GLIS3: variants seen among roughly 807,000 people sequenced by gnomAD.
The protein encoded by GLIS3 is GLIS family zinc finger 3, also known as zinc finger protein GLIS3.
Under a neutral mutation model 78.6 loss-of-function variants are expected in GLIS3, and 53 were observed. The ratio of observed to expected loss-of-function variants is 0.67; its 90% CI spans 0.54 to 0.85. The LOEUF is 0.85. GLIS3 is among the 40% of genes least tolerant of loss of function. GLIS3 has a pLI of 0.00. For synonymous variants in GLIS3, 684 were observed against 509.9 expected (o/e 1.34, Z -4.60); for missense variants, 1,703 against 1,231.1 (o/e 1.38, Z -5.74).
intron 4 of GLIS3, among the ~76,000 whole-genome samples, chr9:4,055,305 T>C (rs1445701466): frequency 6.6e-6 from 1 of 152,154 alleles, no homozygotes; most frequent in East Asian, 1.9e-4. Flanking sequence ...TGGCCTCAGA[T>C]TACTCTAAAT....
the GLIS3 span, among the ~76,000 whole-genome samples, chr9:4,362,412 T>A: frequency 6.6e-6 from 1 of 152,168 alleles, no homozygotes; most frequent in Non-Finnish European, 1.5e-5. Flanking sequence ...GGAAGACAAT[T>A]TTCATCCCAA....
chr9:4,397,786 G>T, the GLIS3 span, among the ~76,000 whole-genome samples: 1 of 151,276 alleles, frequency 6.6e-6, no homozygotes, highest in Admixed American at 6.6e-5. Context: ...GAGGGGAGGG[G>T]AGGGGAGAGG....
intron 4 of GLIS3, among the ~76,000 whole-genome samples, chr9:4,010,579 A>G (rs2130023438): frequency 6.6e-6 from 1 of 152,246 alleles, no homozygotes; most frequent in Non-Finnish European, 1.5e-5. Flanking sequence ...GACCGTGTGA[A>G]AGAACAGACA....
At chr9:4,129,260 T>G (rs2130927741) in intron 2 of GLIS3, among the ~76,000 whole-genome samples, 1 of 152,284 alleles carries the variant, frequency 6.6e-6, no homozygotes, top group East Asian at 1.9e-4. Context: ...TTTGGGGACT[T>G]ACGCAAATTA....
intron 8 of GLIS3, among the ~76,000 whole-genome samples, chr9:3,875,090 T>C (rs369022557): frequency 5.9e-5 from 9 of 152,232 alleles, no homozygotes; most frequent in African/African-American, 2.2e-4. Context: ...TTGTTTTCTC[T>C]GGTCTAACAG....
chr9:4,075,815 T>A (rs1828001561), intron 4 of GLIS3, among the ~76,000 whole-genome samples: 1 of 151,706 alleles, frequency 6.6e-6, no homozygotes, highest in Non-Finnish European at 1.5e-5. Context: ...AACAGATAAA[T>A]CTCAAGAACA....
At chr9:4,370,618 A>G in the GLIS3 span, among the ~76,000 whole-genome samples, 1 of 152,152 alleles carries the variant, frequency 6.6e-6, no homozygotes, top group African/African-American at 2.4e-5. Context: ...AAGCTGCATA[A>G]TATCAGGATT....
intron 2 of GLIS3, among the ~76,000 whole-genome samples, chr9:4,315,961 C>T (rs916562666): frequency 1.3e-5 from 2 of 152,120 alleles, no homozygotes; most frequent in Admixed American, 6.5e-5. Context: ...AACTCTGCTA[C>T]TCTAAATTTT....
chr9:4,048,955 G>T (rs1005302611), intron 4 of GLIS3, among the ~76,000 whole-genome samples: 1 of 152,170 alleles, frequency 6.6e-6, no homozygotes, highest in Non-Finnish European at 1.5e-5. Flanking sequence ...CACGTGGCAG[G>T]ACAGGAAATT....
chr9:4,302,216 C>G (rs1269447452), upstream of GLIS3, among the ~76,000 whole-genome samples: 2 of 152,124 alleles, frequency 1.3e-5, no homozygotes, highest in East Asian at 1.9e-4. Context: ...CTCCCTTACC[C>G]ATGAGCTCTC....
At chr9:4,462,431 T>C in the GLIS3 span, among the ~76,000 whole-genome samples, 1 of 152,148 alleles carries the variant, frequency 6.6e-6, no homozygotes, top group Non-Finnish European at 1.5e-5. Context: ...AACTGCATTC[T>C]AGGATTCTAC....
intron 2 of GLIS3, among the ~76,000 whole-genome samples, chr9:4,266,954 A>C (rs1043423536): frequency 6.6e-6 from 1 of 152,236 alleles, no homozygotes; most frequent in African/African-American, 2.4e-5. Context: ...GATAAGTGCT[A>C]CATGCTGTGA....
intron 2 of GLIS3, among the ~76,000 whole-genome samples, chr9:4,149,321 A>G: frequency 6.6e-6 from 1 of 152,200 alleles, no homozygotes; most frequent in Non-Finnish European, 1.5e-5. Context: ...TAAGGCTTGA[A>G]GACCATATTA....
At position 3,879,671 on chromosome 9, in the gene GLIS3, G is replaced by A; in HGVS notation, c.2129-76C>T. Reference sequence around the variant, plus strand: ...GTTTTTTAAATACCGAAGCCTGACAGCAAGCATATTTGAGGGGCTTGCTTG... The same window carrying A: ...GTTTTTTAAATACCGAAGCCTGACAACAAGCATATTTGAGGGGCTTGCTTG... On this transcript the variant is annotated intron_variant, in intron 7 of 10. Coordinates refer to ENST00000381971, the MANE Select transcript of GLIS3 (RefSeq NM_001042413.2). 2.0e-6 allele frequency: 3 copies of A among 1,500,676 alleles called. No homozygotes were observed. The South Asian group carries it at 3.5e-5, about 18-fold the overall frequency. 93.0% of individuals were successfully genotyped at this position (1,500,676 alleles called of 1,614,324 possible). A position where few individuals can be genotyped will look rare whatever the true frequency, so the allele number is the denominator to read the frequency against.
At chr9:4,380,191 T>C in the GLIS3 span, among the ~76,000 whole-genome samples, 1 of 152,240 alleles carries the variant, frequency 6.6e-6, no homozygotes, top group Admixed American at 6.5e-5. Context: ...TGACTCTTCC[T>C]TAAGAAGTTC....
intron 8 of GLIS3, among the ~76,000 whole-genome samples, chr9:3,874,744 T>C (rs1345528391): frequency 6.6e-6 from 1 of 152,184 alleles, no homozygotes; most frequent in East Asian, 1.9e-4. Context: ...CCCCACACAG[T>C]TGGTCACAGA....
intron 2 of GLIS3, among the ~76,000 whole-genome samples, chr9:4,202,907 G>C (rs1275278015): frequency 1.3e-5 from 2 of 152,160 alleles, no homozygotes; most frequent in African/African-American, 4.8e-5. Context: ...ACATTGCCAT[G>C]GGAAAGAATT....
Position 4,118,681 on chromosome 9 carries a change from G to C in GLIS3, c.797C>G (p.Ser266Cys), listed in dbSNP as rs139789727. ...PGTSMSSNSV[S>C]NSLPSYLFGT... is the part of the protein sequence containing the mutation. ...AAAAAGGTAGGATGGTAATGAGTTA[G>C]AGACACTATTGCTGGACATGGATGT... The change falls in exon 4 of 11, where the codon TCT becomes TGT. Residue 266 changes from serine to cysteine, a missense_variant. Transcript: ENST00000381971. This position sits in a 1 kb window ranked among gnomAD's most constrained non-coding sequence, Gnocchi z 4.7. 8.7e-6 allele frequency: 14 copies of C among 1,614,032 alleles called. No homozygotes were observed. The highest frequency in any genetic ancestry group is 1.2e-5 in the Non-Finnish European group (14 of 1,180,038).
At chr9:4,408,972 T>G in the GLIS3 span, among the ~76,000 whole-genome samples, 1 of 151,586 alleles carries the variant, frequency 6.6e-6, no homozygotes, top group African/African-American at 2.4e-5. Context: ...ATACACCCAC[T>G]ATGTACCCAC....
Sources: gnomAD v4.1 joint callset for allele counts (sites outside exome capture counted in the v4.1 genomes callset) on GRCh38, gnomAD v4.1.1 for gene constraint, Gnocchi (gnomAD v3.1) non-coding constraint, MANE v1.5 for transcripts, NCBI Gene and HGNC (gene_info 2026-07-23, HGNC 2026-07-21) for gene names.